The following STK3 variants were observed in gnomAD, a reference collection of about 807,000 sequenced individuals.
The protein encoded by STK3 is serine/threonine kinase 3, also known as serine/threonine-protein kinase 3.
Under a neutral mutation model 58.0 loss-of-function variants are expected in STK3, and 41 were observed. That is an observed-to-expected ratio of 0.71 (90% CI 0.55 to 0.92). The LOEUF (loss-of-function observed/expected upper bound fraction) is 0.92, where lower values mean the gene tolerates loss of function less well. Ranked by LOEUF, STK3 falls within the 40% of genes least tolerant of loss-of-function variation. The pLI is 0.00. For synonymous variants in STK3, 170 were observed against 191.0 expected, an observed-to-expected ratio of 0.89 and a Z score of 0.91; for missense variants, 479 against 602.7, an observed-to-expected ratio of 0.79 and a Z score of 2.15.
intron 1 of STK3, among the ~76,000 whole-genome samples, chr8:98,810,190 C>T (rs1045435608): frequency 3.3e-5 from 5 of 152,180 alleles, no homozygotes; most frequent in Admixed American, 1.3e-4. Context: ...CAATCACCTC[C>T]CACCAGGTCC....
intron 6 of STK3, among the ~76,000 whole-genome samples, chr8:98,669,796 T>C (rs556992557): frequency 5.7e-4 from 87 of 152,308 alleles, no homozygotes; most frequent in Non-Finnish European, 1.1e-3. Context: ...ACTTACCTCC[T>C]TTCTCCTACC....
chr8:98,870,796 T>C (rs1347364564), intron 3 of STK3, among the ~76,000 whole-genome samples: 4 of 152,248 alleles, frequency 2.6e-5, no homozygotes, highest in Non-Finnish European at 5.9e-5. Context: ...ATAGGTTGCC[T>C]GTTCACTCTG....
intron 1 of STK3, among the ~76,000 whole-genome samples, chr8:98,917,747 A>G (rs534515185): frequency 1.2e-4 from 18 of 152,330 alleles, no homozygotes; most frequent in Admixed American, 3.3e-4. Context: ...AAGCTAAGAC[A>G]TCATCCATCT....
chr8:98,482,562 C>T (rs753997803), intron 10 of STK3, among the ~76,000 whole-genome samples: 17 of 152,108 alleles, frequency 1.1e-4, no homozygotes, highest in Admixed American at 9.2e-4. Context: ...GTTGTCTCGA[C>T]GTTTGCTCAG....
intron 1 of STK3, among the ~76,000 whole-genome samples, chr8:98,893,405 AGAAGGAAG>A (rs60738697): frequency 1.0e-5 from 1 of 98,444 alleles, no homozygotes; most frequent in Admixed American, 1.3e-4. Context: ...AAAGAAAGAA[AGAAGGAAG>A]GAAGGAAGGA....
At chr8:98,792,778 A>G (rs1390531832) in intron 1 of STK3, among the ~76,000 whole-genome samples, 1 of 152,196 alleles carries the variant, frequency 6.6e-6, no homozygotes, top group Non-Finnish European at 1.5e-5. Flanking sequence ...CCAGAGGAAA[A>G]GAAGTCATTA....
In STK3 at chr8:98,774,734, C is replaced by T; in HGVS notation, c.107+5G>A. ...TTTACATGCTTTCATACTTTTTGTACTTACCCTTCTCCAAGCTTCTCTAAT... is the reference window on the plus strand; with the variant it reads ...TTTACATGCTTTCATACTTTTTGTATTTACCCTTCTCCAAGCTTCTCTAAT... On this transcript the variant is annotated splice_donor_5th_base_variant and intron_variant, in intron 2 of 10. Transcript: ENST00000419617. 1 of 1,570,188 alleles carries T rather than the reference C, an allele frequency of 6.4e-7. No homozygotes were observed.
chr8:98,666,382 A>G (rs1161030714), intron 6 of STK3, among the ~76,000 whole-genome samples: 3 of 152,230 alleles, frequency 2.0e-5, no homozygotes, highest in Non-Finnish European at 4.4e-5. Context: ...AGTAAAAAAC[A>G]GCAGCAGAAT....
intron 10 of STK3, among the ~76,000 whole-genome samples, chr8:98,469,281 G>A (rs892509375): frequency 2.0e-5 from 3 of 149,988 alleles, no homozygotes; most frequent in Non-Finnish European, 4.4e-5. Context: ...TGAGAATGGC[G>A]CCAAATTAGA....
intron 10 of STK3, among the ~76,000 whole-genome samples, chr8:98,502,146 T>C (rs1425816062): frequency 6.6e-6 from 1 of 152,190 alleles, no homozygotes; most frequent in Non-Finnish European, 1.5e-5. Context: ...GATTCCTAGG[T>C]ATTTTATTCT....
intron 10 of STK3, among the ~76,000 whole-genome samples, chr8:98,525,198 C>T (rs1470014867): frequency 6.6e-6 from 1 of 152,010 alleles, no homozygotes; most frequent in Admixed American, 6.6e-5. Context: ...CATGTTCTCA[C>T]GTATAAGTAG....
downstream of STK3, chr8:98,881,891 G>A (rs1203983400): frequency 6.6e-6 from 1 of 152,212 alleles, no homozygotes; most frequent in South Asian, 2.1e-4. Context: ...CAAAGAGGGA[G>A]AAGGCTAGAA....
chr8:98,925,344 C>CAGGAAA (rs1416543279), intron 1 of STK3, among the ~76,000 whole-genome samples: 3 of 152,188 alleles, frequency 2.0e-5, no homozygotes, highest in Non-Finnish European at 4.4e-5. Flanking sequence ...CATCACAAGG[C>CAGGAAA]AGGAAAAGAC....
intron 6 of STK3, among the ~76,000 whole-genome samples, chr8:98,681,143 C>T (rs1160749226): frequency 1.3e-5 from 2 of 151,988 alleles, no homozygotes; most frequent in African/African-American, 2.4e-5. Flanking sequence ...GGACTACAGG[C>T]GCGTGCCACC....
At chr8:98,413,708 C>A in intron 3 of STK3, 1 of 940,678 alleles carries the variant, frequency 1.1e-6, no homozygotes, top group East Asian at 2.6e-5. Flanking sequence ...GAAAAGCCAC[C>A]GTTCTTTTCT....
chr8:98,395,175 G>C lies in STK3; in HGVS notation n.428-6928C>G, dbSNP rs551254919. On this transcript the variant is annotated intron_variant and non_coding_transcript_variant, in intron 3 of 5. Transcript: ENST00000649151. ...GACTTCTGGGATCTTGGCATTGCTT[G>C]TTACTGAAGCATTGCCTGACCTAGT... Among the ~76,000 whole-genome samples, 76 of 152,150 alleles carry C rather than the reference G, an allele frequency of 5.0e-4. No individual in the cohort carries two copies. In the South Asian group the frequency reaches 0.015, roughly 31 times the overall value.
downstream of STK3, among the ~76,000 whole-genome samples, chr8:98,366,978 A>C (rs2130984609): frequency 6.6e-6 from 1 of 152,348 alleles, no homozygotes; most frequent in East Asian, 1.9e-4. Context: ...AAGGCTCAGA[A>C]ATTGAGTAAC....
At chr8:98,531,610 T>C (rs1222289270) in intron 9 of STK3, among the ~76,000 whole-genome samples, 1 of 152,216 alleles carries the variant, frequency 6.6e-6, no homozygotes, top group Non-Finnish European at 1.5e-5. Flanking sequence ...CAGCCTGTCC[T>C]TTGAAGCTCT....
rs1260461164 is a variant in STK3 at position 98,644,835 on chromosome 8, C to T, written c.685-48666G>A. Among the ~76,000 whole-genome samples the T allele has an allele frequency of 2.0e-5, 3 of 152,258 alleles. 1 individual carries two copies. Among genetic ancestry groups the T allele is most frequent in the Middle Eastern group, 6.8e-3 (2 of 294 alleles). ...GATCAAAATACACAGTAAACCCATA[C>T]AAACAGCAGTTTTTCATTGCCATCT... is the stretch of plus-strand genomic sequence containing the variant. On this transcript the variant is annotated intron_variant, in intron 6 of 10. Coordinates refer to ENST00000419617, the MANE Select transcript of STK3 (RefSeq NM_006281.4).
Sources: gnomAD v4.1 joint callset for allele counts (sites outside exome capture counted in the v4.1 genomes callset) on GRCh38, gnomAD v4.1.1 for gene constraint, MANE v1.5 for transcripts, NCBI Gene and HGNC (gene_info 2026-07-23, HGNC 2026-07-21) for gene names.